The following NREP variants were observed in gnomAD, a reference collection of about 807,000 sequenced individuals.
NREP encodes neuronal regeneration related protein, also known as neuronal regeneration-related protein.
Under a neutral mutation model 8.6 loss-of-function variants are expected in NREP, and 5 were observed. That is an observed-to-expected ratio of 0.58 (90% confidence interval 0.30 to 1.22). The LOEUF (loss-of-function observed/expected upper bound fraction) is 1.22. NREP is among the 50% of genes most tolerant of loss of function. NREP has a pLI of 0.07. For missense variants in NREP, 86 were observed against 82.5 expected, an observed-to-expected ratio of 1.04 and a Z score of -0.17; for synonymous variants, 27 against 28.0, an observed-to-expected ratio of 0.96 and a Z score of 0.11.
At chr5:111,734,245 C>T (rs1366443704) in intron 3 of NREP, 1 of 153,442 alleles carries the variant, frequency 6.5e-6, no homozygotes, top group East Asian at 1.9e-4. Flanking sequence ...AATGTGAAGG[C>T]CTCAGCTGCC....
chr5:111,765,319 C>A (rs891569847), intron 2 of NREP, among the ~76,000 whole-genome samples: 1 of 152,168 alleles, frequency 6.6e-6, no homozygotes, highest in Non-Finnish European at 1.5e-5. Flanking sequence ...ACTTACCTCC[C>A]GCTGTATGGC....
At chr5:111,771,426 T>TACACACAC (rs111799670) in intron 2 of NREP, among the ~76,000 whole-genome samples, 238 of 147,294 alleles carry the variant, frequency 1.6e-3, no homozygotes, top group Middle Eastern at 0.01. Flanking sequence ...CATAGTCTTT[T>TACACACAC]ACACACACAC....
At chr5:111,789,410 C>G (rs1212093934) in intron 2 of NREP, among the ~76,000 whole-genome samples, 1 of 152,134 alleles carries the variant, frequency 6.6e-6, no homozygotes, top group Non-Finnish European at 1.5e-5. Context: ...TAAATAGAGG[C>G]AGAGTAAAGG....
At chr5:111,861,340 A>G (rs13360997) in intron 2 of NREP, among the ~76,000 whole-genome samples, 13,753 of 152,164 alleles carry the variant, frequency 0.09, 1,020 homozygotes, top group East Asian at 0.24. Context: ...AGAGAGGCAT[A>G]GTAGTGACTC....
chr5:111,890,967 A>G (rs902943873), intron 2 of NREP, among the ~76,000 whole-genome samples: 19 of 152,256 alleles, frequency 1.2e-4, no homozygotes, highest in Admixed American at 5.9e-4. Flanking sequence ...GAGGTTGCAC[A>G]GCAGCCTGCC....
intron 2 of NREP, among the ~76,000 whole-genome samples, chr5:111,804,999 T>TCAA (rs36062020): frequency 0.73 from 109,958 of 150,608 alleles, 40,733 homozygotes; most frequent in East Asian, 0.94. Context: ...AGACTCCGTC[T>TCAA]CAACAACAAC....
chr5:111,756,391 T>A, intron 1 of NREP: 1 of 350,164 alleles, frequency 2.9e-6, no homozygotes, highest in Non-Finnish European at 4.0e-6. Flanking sequence ...TAAACATTAA[T>A]GTACATACTG....
intron 2 of NREP, among the ~76,000 whole-genome samples, chr5:111,888,818 C>T (rs1490298720): frequency 2.0e-5 from 3 of 152,120 alleles, no homozygotes; most frequent in Non-Finnish European, 4.4e-5. Context: ...TGGATTAAAC[C>T]CTCAGATTTG....
chr5:111,958,495 A>G (rs1756390376), intron 2 of NREP, among the ~76,000 whole-genome samples: 1 of 151,948 alleles, frequency 6.6e-6, no homozygotes, highest in South Asian at 2.1e-4. Flanking sequence ...TGGGCTCACA[A>G]TTGATATTCA....
chr5:111,730,975 T>C lies in NREP; in HGVS notation c.153A>G (p.Pro51=), dbSNP rs752201024. The C allele has an allele frequency of 1.2e-6, 2 of 1,613,758 alleles. No individual in the cohort carries two copies. The highest frequency in any genetic ancestry group is 1.3e-5 in the African/African-American group (1 of 74,908). The change falls in exon 4 of 4, where the codon CCA becomes CCG. Residue 51 remains proline, a synonymous_variant. Coordinates refer to ENST00000257435, the MANE Select transcript of NREP (RefSeq NM_004772.4). ...GGGAGCGGAGTTCACTGCTGCCCAG[T>C]GGAGTCAGGGAGGCAGCGTTTGTCT... The part of the protein sequence containing the change: ...NDETNAASLT[P]LGSSELRSPR...
intron 2 of NREP, among the ~76,000 whole-genome samples, chr5:111,844,399 A>G (rs1381354597): frequency 6.6e-6 from 1 of 151,682 alleles, no homozygotes; most frequent in African/African-American, 2.4e-5. Flanking sequence ...ATAAACTTCA[A>G]ATTAATAATT....
At chr5:111,881,002 A>G (rs1014094886) in intron 2 of NREP, among the ~76,000 whole-genome samples, 2 of 152,186 alleles carry the variant, frequency 1.3e-5, no homozygotes, top group African/African-American at 4.8e-5. Context: ...CGCACCGTGC[A>G]TGAGCCGAAG....
At chr5:111,912,441 A>T (rs775667257) in intron 2 of NREP, 13 of 152,092 alleles carry the variant, frequency 8.5e-5, no homozygotes, top group Non-Finnish European at 1.3e-4. Context: ...CTGTATACAC[A>T]CCTTGCCACT....
intron 2 of NREP, among the ~76,000 whole-genome samples, chr5:111,849,800 C>T (rs1481426707): frequency 6.6e-6 from 1 of 152,048 alleles, no homozygotes; most frequent in Non-Finnish European, 1.5e-5. Flanking sequence ...GGGATCTAAA[C>T]TGATATGATA....
At chr5:111,813,006 C>T (rs1440819842) in intron 2 of NREP, among the ~76,000 whole-genome samples, 2 of 152,122 alleles carry the variant, frequency 1.3e-5, no homozygotes, top group African/African-American at 4.8e-5. Context: ...ACCCAAATGC[C>T]ACCTTTTAAT....
At chr5:111,933,070 A>G (rs944222036) in intron 2 of NREP, among the ~76,000 whole-genome samples, 1 of 152,130 alleles carries the variant, frequency 6.6e-6, no homozygotes, top group Admixed American at 6.6e-5. Flanking sequence ...CCTTAGCATT[A>G]TAACTTTGAA....
At chr5:111,940,387 G>A (rs1755798464) in intron 2 of NREP, among the ~76,000 whole-genome samples, 1 of 152,040 alleles carries the variant, frequency 6.6e-6, no homozygotes, top group African/African-American at 2.4e-5. Flanking sequence ...GGAAGTTGTT[G>A]CCTTCTCTCT....
At chr5:111,905,266 T>C (rs1046979649) in intron 2 of NREP, among the ~76,000 whole-genome samples, 6 of 152,166 alleles carry the variant, frequency 3.9e-5, no homozygotes, top group Non-Finnish European at 8.8e-5. Flanking sequence ...GTGGTAAGAC[T>C]GTGTTTAACA....
rs191114278 is a variant in NREP, at chr5:111,922,806, C to T, written c.135+52468G>A. Among the ~76,000 whole-genome samples, 63 of 152,198 alleles carry T rather than the reference C, an allele frequency of 4.1e-4. 1 individual carries two copies. Among genetic ancestry groups the T allele is most frequent in the East Asian group, 1.4e-3 (7 of 5,160 alleles). ...TCCTGATGGCTGGAAAGTGAATCTG[C>T]GAGAAATGGCCCATTCTGTTTCTGC... On this transcript the variant is annotated intron_variant, in intron 2 of 3. Transcript: ENST00000395634.
Sources: allele counts gnomAD v4.1 joint callset (sites outside exome capture counted in the v4.1 genomes callset), GRCh38; gene constraint gnomAD v4.1.1; transcripts MANE v1.5; gene names NCBI Gene and HGNC (gene_info 2026-07-23, HGNC 2026-07-21).